The following DDX10 variants were observed in gnomAD, a reference collection of about 807,000 sequenced individuals.
DDX10 encodes the protein DEAD-box helicase 10, also known as probable ATP-dependent RNA helicase DDX10.
A neutral mutation model predicts 104.3 loss-of-function variants in DDX10; 74 were observed. The observed-to-expected ratio is 0.71, with a 90% CI of 0.59 to 0.86. DDX10 has a LOEUF of 0.86. Among genes scored for constraint, DDX10 ranks in the 40% least tolerant of loss-of-function variants. The probability of loss-of-function intolerance (pLI) is 0.00; values close to 1 mark genes in which losing one functional copy is unlikely to be tolerated. For synonymous variants in DDX10, 351 were observed against 353.4 expected (o/e 0.99, Z 0.08); for missense variants, 952 against 1,040.0 (o/e 0.92, Z 1.16).
Position 108,821,959 on chromosome 11 carries a change from T to C in DDX10, c.1966-16487T>C, listed in dbSNP as rs956083933. Among the ~76,000 whole-genome samples, 4 of 152,292 alleles carry C rather than the reference T, an allele frequency of 2.6e-5. No homozygotes were observed. The East Asian group carries it at 7.7e-4, about 29-fold the overall frequency. The stretch of plus-strand genomic sequence containing the variant: ...AATCTTGCTTGGTTCTGAGACAGTG[T>C]GAAGGAATTTCACCAGTATTTCAAT... On this transcript the variant is annotated intron_variant, in intron 13 of 17. Coordinates refer to ENST00000322536, the MANE Select transcript of DDX10 (RefSeq NM_004398.4).
At chr11:108,878,935 G>T (rs1019579036) in intron 16 of DDX10, among the ~76,000 whole-genome samples, 3 of 152,150 alleles carry the variant, frequency 2.0e-5, no homozygotes, top group African/African-American at 7.2e-5. Context: ...CTTCCATAGT[G>T]TTCCACATTT....
chr11:108,884,141 C>G (rs965571062), intron 16 of DDX10, among the ~76,000 whole-genome samples: 8 of 152,224 alleles, frequency 5.3e-5, no homozygotes, highest in African/African-American at 1.9e-4. Flanking sequence ...AATATTTCCA[C>G]TTGGGTGTCT....
At chr11:108,778,348 A>T (rs1352561240) in intron 13 of DDX10, among the ~76,000 whole-genome samples, 2 of 152,190 alleles carry the variant, frequency 1.3e-5, no homozygotes, top group Non-Finnish European at 2.9e-5. Flanking sequence ...AAACAGAGAT[A>T]TAGACCAATG....
At chr11:108,763,535 T>C (rs1030385712) in intron 13 of DDX10, among the ~76,000 whole-genome samples, 1 of 152,200 alleles carries the variant, frequency 6.6e-6, no homozygotes, top group Non-Finnish European at 1.5e-5. Context: ...ATTTACCGTA[T>C]CAGTTAGCAC....
chr11:108,741,953 T>C (rs1591806506), intron 13 of DDX10, among the ~76,000 whole-genome samples: 2 of 152,050 alleles, frequency 1.3e-5, no homozygotes, highest in Admixed American at 6.6e-5. Context: ...CTGAAGGACA[T>C]TGAGACACAC....
chr11:108,746,972 AATTGTAGTT>A (rs1245477597), intron 13 of DDX10, among the ~76,000 whole-genome samples: 2 of 152,178 alleles, frequency 1.3e-5, no homozygotes, highest in Non-Finnish European at 2.9e-5. Context: ...CTTAGCCAAG[AATTGTAGTT>A]ATAAGGGCTT....
chr11:108,691,950 G>A lies in DDX10; in HGVS notation c.1050G>A (p.Gln350=). Residue 350 remains glutamine, a synonymous_variant, in exon 8 of 18, where the codon CAG becomes CAA. Transcript: ENST00000322536. ...VSILALHGRQ[Q]QMRRMEVYNE... is the part of the protein sequence containing the mutation. ...TCCTTGCACTCCATGGTCGACAGCA[G>A]CAAATGAGAAGAATGGAAGTCTATA... 5 of 1,614,080 alleles carry A rather than the reference G, an allele frequency of 3.1e-6. No homozygotes were observed. The highest frequency in any genetic ancestry group is 1.7e-5 in the Admixed American group (1 of 60,016).
At chr11:108,869,443 T>C (rs1202165628) in intron 16 of DDX10, among the ~76,000 whole-genome samples, 1 of 152,142 alleles carries the variant, frequency 6.6e-6, no homozygotes, top group African/African-American at 2.4e-5. Flanking sequence ...AGCAGGTCTT[T>C]TGTCAATTGT....
intron 16 of DDX10, among the ~76,000 whole-genome samples, chr11:108,888,952 G>A (rs1333835327): frequency 6.6e-6 from 1 of 152,106 alleles, no homozygotes; most frequent in Non-Finnish European, 1.5e-5. Flanking sequence ...TTTACCAACA[G>A]CATGGCCAAG....
intron 16 of DDX10, among the ~76,000 whole-genome samples, chr11:108,881,309 G>A (rs976998354): frequency 1.3e-5 from 2 of 152,170 alleles, no homozygotes; most frequent in African/African-American, 4.8e-5. Context: ...TAGTGATGTG[G>A]AAGTCCTGGA....
intron 16 of DDX10, among the ~76,000 whole-genome samples, chr11:108,872,888 C>T (rs1591104986): frequency 1.3e-5 from 2 of 149,592 alleles, no homozygotes; most frequent in Admixed American, 1.4e-4. Context: ...CACTTTCCCA[C>T]TCCTCCCACC....
intron 13 of DDX10, among the ~76,000 whole-genome samples, chr11:108,806,998 G>C (rs879143549): frequency 6.6e-6 from 1 of 152,200 alleles, no homozygotes; most frequent in African/African-American, 2.4e-5. Context: ...TTAAAGATGT[G>C]ATCTTGGTCT....
intron 17 of DDX10, among the ~76,000 whole-genome samples, chr11:108,939,786 A>G (rs1415410887): frequency 1.3e-5 from 2 of 152,192 alleles, no homozygotes; most frequent in East Asian, 1.9e-4. Flanking sequence ...CTCAGGTTCT[A>G]TTTTATGCAT....
At chr11:108,684,511 C>G (rs1031814478) in intron 6 of DDX10, among the ~76,000 whole-genome samples, 2 of 149,488 alleles carry the variant, frequency 1.3e-5, no homozygotes, top group African/African-American at 2.5e-5. Context: ...TCATCCATGT[C>G]CCTACAAAGG....
chr11:108,665,260 A>T lies in DDX10; in HGVS notation c.107A>T (p.Gln36Leu). Residue 36 changes from glutamine (Q) to leucine (L), a missense_variant, in exon 1 of 18, where the codon CAG becomes CTG. Coordinates refer to ENST00000322536, the MANE Select transcript of DDX10 (RefSeq NM_004398.4). ...KHSHRQNKKK[Q>L]LRKQLKKPEW... ...AGCCATAGGCAGAACAAAAAGAAGC[A>T]GTTGAGGAAGCAACTGAAGAAACCC... 6.2e-7 allele frequency: 1 copy of T among 1,611,236 alleles called. No individual in the cohort carries two copies. The highest frequency in any genetic ancestry group is 1.7e-5 in the Admixed American group (1 of 59,462).
intron 16 of DDX10, among the ~76,000 whole-genome samples, chr11:108,869,303 A>G (rs1453042832): frequency 6.6e-6 from 1 of 151,712 alleles, no homozygotes; most frequent in Admixed American, 6.6e-5. Context: ...GTCATGGCTT[A>G]TGCTCGTTTT....
intron 13 of DDX10, among the ~76,000 whole-genome samples, chr11:108,748,158 C>T (rs899469655): frequency 2.0e-5 from 3 of 152,116 alleles, no homozygotes; most frequent in Non-Finnish European, 4.4e-5. Flanking sequence ...GCAGCCTGTC[C>T]TAAGGATGGG....
chr11:108,760,815 T>G (rs1277481918), intron 13 of DDX10, among the ~76,000 whole-genome samples: 1 of 151,962 alleles, frequency 6.6e-6, no homozygotes, highest in Non-Finnish European at 1.5e-5. Flanking sequence ...GGAAAATTGT[T>G]TATGCTGTTC....
At chr11:108,825,839 A>G (rs1230731403) in intron 13 of DDX10, among the ~76,000 whole-genome samples, 1 of 152,210 alleles carries the variant, frequency 6.6e-6, no homozygotes, top group Non-Finnish European at 1.5e-5. Flanking sequence ...GTCTTAATAT[A>G]ATAAGGACTA....
Sources: gnomAD v4.1 joint callset for allele counts (sites outside exome capture counted in the v4.1 genomes callset) on GRCh38, gnomAD v4.1.1 for gene constraint, MANE v1.5 for transcripts, NCBI Gene and HGNC (gene_info 2026-07-23, HGNC 2026-07-21) for gene names.